RANBP2: variants seen among roughly 807,000 people sequenced by gnomAD.
RANBP2 encodes E3 SUMO-protein ligase RanBP2.
A neutral mutation model predicts 303.6 loss-of-function variants in RANBP2; 57 were observed. That is an observed-to-expected ratio of 0.19 (90% CI 0.15 to 0.23). The LOEUF (loss-of-function observed/expected upper bound fraction) is 0.23, where lower values mean the gene tolerates loss of function less well. RANBP2 is among the 10% of genes least tolerant of loss of function. The pLI, the probability that RANBP2 is intolerant of heterozygous loss-of-function variation, is 1.00. For synonymous variants in RANBP2, 1,167 were observed against 1,301.5 expected (o/e 0.90, Z 2.23); for missense variants, 3,138 against 3,780.8 (o/e 0.83, Z 4.46).
chr2:108,723,276 T>C (rs1480189028), intron 1 of RANBP2, among the ~76,000 whole-genome samples: 1 of 151,004 alleles, frequency 6.6e-6, no homozygotes, highest in African/African-American at 2.5e-5. Context: ...TTTAGACATT[T>C]TCTTTTCTTT....
the RANBP2 span, among the ~76,000 whole-genome samples, chr2:109,315,377 A>G: frequency 4.7e-4 from 72 of 152,350 alleles, no homozygotes; most frequent in East Asian, 0.013. Context: ...TTGCAACTCC[A>G]TTAGTGATTC....
the RANBP2 span, among the ~76,000 whole-genome samples, chr2:109,078,098 A>ATATATATATATAGCGTG: frequency 0.013 from 807 of 59,982 alleles, 67 homozygotes; most frequent in East Asian, 0.049. Context: ...ATATATATAT[A>ATATATATATATAGCGTG]TATATATATA....
chr2:109,403,677 G>C, the RANBP2 span, among the ~76,000 whole-genome samples: 1 of 152,222 alleles, frequency 6.6e-6, no homozygotes, highest in Non-Finnish European at 1.5e-5. Context: ...GCAGGGTGCT[G>C]GGGTGGAGGT....
At chr2:109,354,090 C>T in the RANBP2 span, among the ~76,000 whole-genome samples, 4 of 152,174 alleles carry the variant, frequency 2.6e-5, no homozygotes, top group Middle Eastern at 3.2e-3. Flanking sequence ...AGATGGCAGT[C>T]GGCTGTCAGA....
At chr2:109,330,033 C>A in the RANBP2 span, among the ~76,000 whole-genome samples, 4 of 152,160 alleles carry the variant, frequency 2.6e-5, no homozygotes, top group Non-Finnish European at 4.4e-5. Context: ...CTGGCCCTTA[C>A]AAAACATTGA....
the RANBP2 span, among the ~76,000 whole-genome samples, chr2:109,457,629 G>A: frequency 6.6e-6 from 1 of 152,208 alleles, no homozygotes; most frequent in African/African-American, 2.4e-5. Context: ...TGCATGGCCG[G>A]GAGCCCCGGC....
At chr2:109,498,960 G>A in the RANBP2 span, among the ~76,000 whole-genome samples, 1 of 152,208 alleles carries the variant, frequency 6.6e-6, no homozygotes, top group East Asian at 1.9e-4. Flanking sequence ...AGCTGGTGGA[G>A]TGGGAAGGGC....
chr2:109,006,817 C>A, the RANBP2 span, among the ~76,000 whole-genome samples: 2 of 152,208 alleles, frequency 1.3e-5, no homozygotes, highest in Non-Finnish European at 2.9e-5. Context: ...CCTAAACCTT[C>A]TTAGGGCAGC....
At chr2:109,351,506 G>A in the RANBP2 span, among the ~76,000 whole-genome samples, 1 of 152,210 alleles carries the variant, frequency 6.6e-6, no homozygotes, top group African/African-American at 2.4e-5. Context: ...TGCAAGATTC[G>A]GCAAGGGTTT....
chr2:109,510,909 C>T, the RANBP2 span, among the ~76,000 whole-genome samples: 4 of 152,320 alleles, frequency 2.6e-5, no homozygotes, highest in East Asian at 7.7e-4. Flanking sequence ...CCCCTGGCCT[C>T]CTCGTGGGTG....
At chr2:109,064,522 A>C in the RANBP2 span, among the ~76,000 whole-genome samples, 3 of 151,492 alleles carry the variant, frequency 2.0e-5, no homozygotes, top group Non-Finnish European at 2.9e-5. Context: ...CAGTTCTCTC[A>C]GTGCAAAGTC....
chr2:109,346,274 G>A, the RANBP2 span, among the ~76,000 whole-genome samples: 1 of 152,144 alleles, frequency 6.6e-6, no homozygotes, highest in African/African-American at 2.4e-5. Flanking sequence ...TTGCCAGCAG[G>A]CTCTCTCTTA....
the RANBP2 span, among the ~76,000 whole-genome samples, chr2:109,175,443 A>G: frequency 6.6e-6 from 1 of 152,224 alleles, no homozygotes; most frequent in Non-Finnish European, 1.5e-5. Context: ...CTGTGTAACC[A>G]GGAAGCTTCA....
the RANBP2 span, among the ~76,000 whole-genome samples, chr2:109,700,003 G>A: frequency 6.6e-6 from 1 of 152,118 alleles, no homozygotes; most frequent in Admixed American, 6.6e-5. Flanking sequence ...CATTTATTTT[G>A]TTTAAGTTTT....
the RANBP2 span, among the ~76,000 whole-genome samples, chr2:109,136,784 T>A: frequency 1.3e-5 from 2 of 152,222 alleles, no homozygotes; most frequent in African/African-American, 4.8e-5. Context: ...TGAATTAGGA[T>A]TGACCACAGG....
chr2:109,187,260 A>G, the RANBP2 span, among the ~76,000 whole-genome samples: 1 of 152,180 alleles, frequency 6.6e-6, no homozygotes, highest in African/African-American at 2.4e-5. Context: ...ATAATTGCAC[A>G]ATTTAAAAAA....
the RANBP2 span, among the ~76,000 whole-genome samples, chr2:109,062,133 C>G: frequency 6.6e-6 from 1 of 151,478 alleles, no homozygotes; most frequent in Admixed American, 6.6e-5. Context: ...CCCAGAGGGA[C>G]AAGCAAAGCC....
chr2:109,612,973 T>C, the RANBP2 span: 3 of 436,654 alleles, frequency 6.9e-6, no homozygotes, highest in East Asian at 1.4e-4. Context: ...CTCAAACTTT[T>C]TGGTCTCCAG....
the RANBP2 span, among the ~76,000 whole-genome samples, chr2:109,391,086 G>C: frequency 6.6e-6 from 1 of 152,204 alleles, no homozygotes; most frequent in South Asian, 2.1e-4. Context: ...TCCATAAGAG[G>C]GGGCTGAAAT....
Sources: gnomAD v4.1 joint callset for allele counts (sites outside exome capture counted in the v4.1 genomes callset) on GRCh38, gnomAD v4.1.1 for gene constraint, MANE v1.5 for transcripts, NCBI Gene and HGNC (gene_info 2026-07-23, HGNC 2026-07-21) for gene names.